The following RHBDD1 variants were observed in gnomAD, a reference collection of about 807,000 sequenced individuals.
RHBDD1 encodes the protein rhomboid domain containing 1.
A neutral mutation model predicts 36.3 loss-of-function variants in RHBDD1; 38 were observed. The ratio of observed to expected loss-of-function variants is 1.05; its 90% CI spans 0.81 to 1.37. The LOEUF (loss-of-function observed/expected upper bound fraction) is 1.37. RHBDD1 is among the 40% of genes most tolerant of loss of function. The probability of loss-of-function intolerance (pLI) is 0.00; values close to 1 mark genes in which losing one functional copy is unlikely to be tolerated. For missense variants in RHBDD1, 393 were observed against 377.6 expected, an observed-to-expected ratio of 1.04 and a Z score of -0.34; for synonymous variants, 151 against 136.5, an observed-to-expected ratio of 1.11 and a Z score of -0.74.
the RHBDD1 span, chr2:226,811,137 G>T: frequency 1.3e-5 from 2 of 151,978 alleles, no homozygotes; most frequent in African/African-American, 4.8e-5. Flanking sequence ...TTTTCTCCCC[G>T]AATAGCCTCA....
At chr2:226,948,400 C>T (rs1367288613) in intron 8 of RHBDD1, among the ~76,000 whole-genome samples, 1 of 132,710 alleles carries the variant, frequency 7.5e-6, no homozygotes, top group African/African-American at 2.9e-5. Context: ...GGGAATATCA[C>T]ACTCTGGGGA....
chr2:226,957,041 T>G (rs1341529034), intron 8 of RHBDD1, among the ~76,000 whole-genome samples: 1 of 152,258 alleles, frequency 6.6e-6, no homozygotes, highest in Non-Finnish European at 1.5e-5. Flanking sequence ...TTATGGAATT[T>G]CCCATTTGTA....
chr2:226,945,785 G>A (rs540142571), intron 8 of RHBDD1, among the ~76,000 whole-genome samples: 1 of 152,292 alleles, frequency 6.6e-6, no homozygotes, highest in East Asian at 1.9e-4. Flanking sequence ...CAGTGTAAAA[G>A]TGTTCCTGTT....
rs146794085 is a variant in RHBDD1 at position 226,998,964 on chromosome 2, G to C, written c.*3442G>C. ...ATGGAACAGCTCTTTCCTCTCTCTT[G>C]GCCCATTCAGATCCTCCTCATCCAG... On this transcript the variant is annotated 3_prime_UTR_variant, in exon 9 of 9. Transcript: ENST00000392062. 8.0e-4 allele frequency: 122 copies of C among 152,198 alleles called. No individual in the cohort carries two copies. Among genetic ancestry groups the C allele is most frequent in the African/African-American group, 2.8e-3 (118 of 41,472 alleles). The allele number at this position is 152,198 out of a possible 1,614,324, so 9.4% of individuals were successfully genotyped here. A position where few individuals can be genotyped will look rare whatever the true frequency, so the allele number is the denominator to read the frequency against.
chr2:226,997,612 T>C lies in RHBDD1; in HGVS notation c.*2090T>C, dbSNP rs1282141445. The C allele has an allele frequency of 1.3e-5, 2 of 152,224 alleles. No individual in the cohort carries two copies. The highest frequency in any genetic ancestry group is 2.4e-5 in the African/African-American group (1 of 41,444). The allele number at this position is 152,224 out of a possible 1,614,324, so 9.4% of individuals were successfully genotyped here. The stretch of plus-strand genomic sequence containing the variant: ...GTATTAAGAGTCCAGTCACTGTATA[T>C]GGAAGTATTTTATTTTTTATTTTTT... On this transcript the variant is annotated 3_prime_UTR_variant, in exon 9 of 9. Coordinates refer to ENST00000392062, the MANE Select transcript of RHBDD1 (RefSeq NM_001167608.3).
At chr2:226,876,955 TA>T (rs967258401) in intron 5 of RHBDD1, among the ~76,000 whole-genome samples, 1 of 152,196 alleles carries the variant, frequency 6.6e-6, no homozygotes, top group Non-Finnish European at 1.5e-5. Flanking sequence ...TTGGCTTAAT[TA>T]AAAAAATCTG....
At chr2:226,822,104 G>A in the RHBDD1 span, among the ~76,000 whole-genome samples, 1 of 151,644 alleles carries the variant, frequency 6.6e-6, no homozygotes, top group Non-Finnish European at 1.5e-5. Context: ...AGGCATTAGG[G>A]AAAAAAAGAA....
At chr2:226,956,885 A>G (rs1023337972) in intron 8 of RHBDD1, among the ~76,000 whole-genome samples, 1 of 152,182 alleles carries the variant, frequency 6.6e-6, no homozygotes, top group Non-Finnish European at 1.5e-5. Context: ...TTCAAGGCCA[A>G]ATCAGCCCTT....
At chr2:226,949,952 A>T (rs1184534463) in intron 8 of RHBDD1, among the ~76,000 whole-genome samples, 1 of 152,234 alleles carries the variant, frequency 6.6e-6, no homozygotes, top group Non-Finnish European at 1.5e-5. Flanking sequence ...GTTGATCAAA[A>T]TTGTATCTGT....
At chr2:226,955,617 C>G (rs1403838659) in intron 8 of RHBDD1, among the ~76,000 whole-genome samples, 1 of 152,200 alleles carries the variant, frequency 6.6e-6, no homozygotes, top group African/African-American at 2.4e-5. Flanking sequence ...ACAACAGAAG[C>G]TTGTTTCTCA....
At chr2:226,968,913 A>G (rs1952912979) in intron 8 of RHBDD1, 2 of 151,070 alleles carry the variant, frequency 1.3e-5, no homozygotes, top group Admixed American at 6.6e-5. Context: ...ATGGAAGAAG[A>G]TGATATTTGA....
Position 226,995,588 on chromosome 2 carries a change from C to T in RHBDD1, c.*66C>T, listed in dbSNP as rs62189812. The T allele has an allele frequency of 1.1e-3, 1,155 of 1,087,080 alleles. 4 individuals are homozygous for T. The highest frequency in any genetic ancestry group is 1.5e-3 in the Non-Finnish European group (1,049 of 720,566). The allele number at this position is 1,087,080 out of a possible 1,614,324, so 67.3% of individuals were successfully genotyped here. ...TGCCCATTTGGCTCATTCCCCAAGC[C>T]CCTAATTCATTTTAATTCATTTTAA... On this transcript the variant is annotated 3_prime_UTR_variant, in exon 9 of 9. Transcript: ENST00000392062.
At chr2:226,858,720 T>A (rs547949770) in intron 3 of RHBDD1, among the ~76,000 whole-genome samples, 2 of 152,284 alleles carry the variant, frequency 1.3e-5, no homozygotes, top group South Asian at 4.1e-4. Flanking sequence ...TTCAGTTTCT[T>A]TTGTTTGTTC....
intron 5 of RHBDD1, among the ~76,000 whole-genome samples, chr2:226,892,774 T>C (rs1336711445): frequency 6.6e-6 from 1 of 152,046 alleles, no homozygotes; most frequent in African/African-American, 2.4e-5. Context: ...TGAAGATCAA[T>C]GCATCTCAAC....
At chr2:226,836,017 C>G (rs1201756059), upstream of RHBDD1, 2 of 152,730 alleles carry the variant, frequency 1.3e-5, no homozygotes, top group Non-Finnish European at 2.9e-5. Flanking sequence ...CCGGGGCGCC[C>G]CGGATCGGGA....
chr2:226,979,646 G>A (rs928869937), intron 8 of RHBDD1, among the ~76,000 whole-genome samples: 5 of 152,176 alleles, frequency 3.3e-5, no homozygotes, highest in African/African-American at 7.2e-5. Context: ...CCCTTCTACC[G>A]TCTGCCCTGT....
At chr2:226,990,019 CT>C (rs1392453912) in intron 8 of RHBDD1, among the ~76,000 whole-genome samples, 1 of 152,124 alleles carries the variant, frequency 6.6e-6, no homozygotes, top group Non-Finnish European at 1.5e-5. Flanking sequence ...TAAATATTAC[CT>C]TTCTCGTAAA....
intron 8 of RHBDD1, among the ~76,000 whole-genome samples, chr2:226,961,086 C>A (rs1203777572): frequency 1.3e-5 from 2 of 152,104 alleles, no homozygotes; most frequent in African/African-American, 4.8e-5. Context: ...AATCTGTATT[C>A]CCCTCAGTCT....
the RHBDD1 span, among the ~76,000 whole-genome samples, chr2:226,802,210 T>C: frequency 6.6e-6 from 1 of 152,236 alleles, no homozygotes; most frequent in Non-Finnish European, 1.5e-5. Flanking sequence ...TCTCTCAGTG[T>C]TAAAGCATTT....
Sources: gnomAD v4.1 joint callset for allele counts (sites outside exome capture counted in the v4.1 genomes callset) on GRCh38, gnomAD v4.1.1 for gene constraint, MANE v1.5 for transcripts, NCBI Gene and HGNC (gene_info 2026-07-23, HGNC 2026-07-21) for gene names.